RNF215: variants seen among roughly 807,000 people sequenced by gnomAD.
The protein encoded by RNF215 is ring finger protein 215.
A neutral mutation model predicts 44.8 loss-of-function variants in RNF215; 41 were observed. That is an observed-to-expected ratio of 0.92 (90% CI 0.71 to 1.19). The LOEUF (loss-of-function observed/expected upper bound fraction) is 1.19, where lower values mean the gene tolerates loss of function less well. Ranked by LOEUF, RNF215 falls within the 50% of genes most tolerant of loss-of-function variation. The pLI is 0.00. For missense variants in RNF215, 452 were observed against 496.2 expected (o/e 0.91, Z 0.85); for synonymous variants, 218 against 230.1 (o/e 0.95, Z 0.48).
rs950209534 is a variant in RNF215, at chr22:30,379,920, T to C, written c.1009-107A>G. Reference sequence around the variant, plus strand: ...AGCTGGGGAACTGAAACCTCACGGCTTCCCCCACCCCCCTGAAATTCTGCT... The same window carrying C: ...AGCTGGGGAACTGAAACCTCACGGCCTCCCCCACCCCCCTGAAATTCTGCT... On this transcript the variant is annotated intron_variant, in intron 7 of 8. Coordinates refer to ENST00000382363, the MANE Select transcript of RNF215 (RefSeq NM_001017981.2). The C allele has an allele frequency of 2.9e-5, 44 of 1,519,894 alleles. No homozygotes were observed. The East Asian group carries it at 8.1e-4, about 28-fold the overall frequency. 94.2% of individuals were successfully genotyped at this position (1,519,894 alleles called of 1,614,324 possible). A position where few individuals can be genotyped will look rare whatever the true frequency, so the allele number is the denominator to read the frequency against.
At chr22:30,384,607 GC>G (rs1465404277) in intron 4 of RNF215, 112 bp from the exon 5 acceptor site, 2 of 934,074 alleles carry the variant, frequency 2.1e-6, no homozygotes, top group Non-Finnish European at 3.2e-6. Context: ...GCCCCTGCTG[GC>G]CTTACACTTT....
intron 3 of RNF215, 39 bp downstream of exon 3, chr22:30,386,031 T>A: frequency 6.2e-7 from 1 of 1,613,790 alleles, no homozygotes; most frequent in Non-Finnish European, 8.5e-7. Context: ...GGTCCCCCTT[T>A]CCCCAGCTTG....
At position 30,384,504 on chromosome 22, in the gene RNF215, G is replaced by T. The variant is rs181278365; in HGVS notation, c.588-9C>A. The T allele has an allele frequency of 8.6e-5, 138 of 1,611,994 alleles. No homozygotes were observed. In the East Asian group the frequency reaches 2.3e-3, roughly 27 times the overall value. On this transcript the variant is annotated splice_polypyrimidine_tract_variant and intron_variant, in intron 4 of 8. Transcript: ENST00000382363. ...CCGTGGCCTGGGTCCTCCTGGGAGG[G>T]GAAGTCACCGGGGCCAGATGGAAGG...
chr22:30,386,074 C>T lies in RNF215; in HGVS notation c.497G>A (p.Arg166Gln), dbSNP rs377398914. The T allele has an allele frequency of 3.7e-6, 6 of 1,612,830 alleles. No individual in the cohort carries two copies. In the African/African-American group the frequency reaches 4.0e-5, roughly 11 times the overall value. The change falls in exon 3 of 9, where the codon CGA (arginine) becomes CAA (glutamine). Residue 166 changes from arginine (R) to glutamine (Q), a missense_variant. Transcript: ENST00000382363. ...LLLILNHNVV[R>Q]ELDISQLLLR... ...TCACGGCCTGGTCCGATTTACCTCT[C>T]GGACCACGTTGTGGTTCAGGATGAG...
intron 5 of RNF215, among the ~76,000 whole-genome samples, 197 bp downstream of exon 5, chr22:30,384,142 A>G (rs1216435538): frequency 6.6e-6 from 1 of 152,188 alleles, no homozygotes; most frequent in East Asian, 1.9e-4. Context: ...CACTGACTAC[A>G]TGTGACCTGG....
At position 30,380,033 on chromosome 22, in the gene RNF215, G is replaced by A. The variant is rs747052105; in HGVS notation, c.1008+29C>T. 7.4e-6 allele frequency: 12 copies of A among 1,612,138 alleles called. No homozygotes were observed. Among genetic ancestry groups the A allele is most frequent in the East Asian group, 2.2e-5 (1 of 44,830 alleles). On this transcript the variant is annotated intron_variant, in intron 7 of 8. Coordinates refer to ENST00000382363, the MANE Select transcript of RNF215 (RefSeq NM_001017981.2). This position sits in a 1 kb window ranked among gnomAD's most constrained non-coding sequence, Gnocchi z 5.3. Reference sequence around the variant, plus strand: ...AGGTGGGAGGCATCACAGGTGAGCTGATGGCTGGTCTCTACCCGGGGCACT... The same window carrying A: ...AGGTGGGAGGCATCACAGGTGAGCTAATGGCTGGTCTCTACCCGGGGCACT...
In RNF215 at chr22:30,379,131, C is replaced by T. The variant is rs117900841; in HGVS notation, c.*469G>A. On this transcript the variant is annotated 3_prime_UTR_variant, in exon 9 of 9. Coordinates refer to ENST00000382363, the MANE Select transcript of RNF215 (RefSeq NM_001017981.2). The stretch of plus-strand genomic sequence containing the variant: ...CCTTGACAAGAAGTATCCTGAAAGA[C>T]GGTCAGGCCAGGGTACCCCAAGGCC... The T allele has an allele frequency of 0.015, 2,590 of 168,300 alleles. 34 individuals carry two copies. Among genetic ancestry groups the T allele is most frequent in the Non-Finnish European group, 0.024 (1,871 of 76,738 alleles). The allele number at this position is 168,300 out of a possible 1,614,324, so 10.4% of individuals were successfully genotyped here.
chr22:30,387,370 G>C lies in RNF215; in HGVS notation c.-57C>G, dbSNP rs1175501305. 9.8e-7 allele frequency: 1 copy of C among 1,023,716 alleles called. No individual in the cohort carries two copies. The highest frequency in any genetic ancestry group is 1.2e-6 in the Non-Finnish European group (1 of 853,534). The allele number at this position is 1,023,716 out of a possible 1,614,324, so 63.4% of individuals were successfully genotyped here. A position where few individuals can be genotyped will look rare whatever the true frequency, so the allele number is the denominator to read the frequency against. On this transcript the variant is annotated 5_prime_UTR_variant, in exon 1 of 9. In the 5' UTR this introduces an upstream ATG that the reference lacks. Coordinates refer to ENST00000382363, the MANE Select transcript of RNF215 (RefSeq NM_001017981.2). ...GGCCAGGGGTCCCGGGCGCGGGGGGGATCGGAGGGAGCGAGGCCGCTGCCG... is the reference window on the plus strand; with the variant it reads ...GGCCAGGGGTCCCGGGCGCGGGGGGCATCGGAGGGAGCGAGGCCGCTGCCG...
rs190892239 is a variant in RNF215, at chr22:30,385,225, T to A, written c.587+679A>T. Among the ~76,000 whole-genome samples, 94 of 150,764 alleles carry A rather than the reference T, an allele frequency of 6.2e-4. No homozygotes were observed. The Middle Eastern group carries it at 0.014, about 22-fold the overall frequency. On this transcript the variant is annotated intron_variant, in intron 4 of 8. Coordinates refer to ENST00000382363, the MANE Select transcript of RNF215 (RefSeq NM_001017981.2). ...TCACAAGGTCAGCAGATCGAGACCATCCTGGCTAACATGGTGAAACCCCGT... is the reference window on the plus strand; with the variant it reads ...TCACAAGGTCAGCAGATCGAGACCAACCTGGCTAACATGGTGAAACCCCGT...
chr22:30,382,265 G>GT (rs1444188691), intron 5 of RNF215, among the ~76,000 whole-genome samples: 2 of 152,112 alleles, frequency 1.3e-5, no homozygotes, highest in Non-Finnish European at 2.9e-5. Context: ...TAGCCTGTGT[G>GT]TGGTGGTGCA....
At chr22:30,381,351 C>A (rs1405675380) in intron 5 of RNF215, among the ~76,000 whole-genome samples, 1 of 152,204 alleles carries the variant, frequency 6.6e-6, no homozygotes, top group Non-Finnish European at 1.5e-5. Context: ...GGAAACATGA[C>A]TGAGAGAACA....
chr22:30,384,520 AGATGGAAG>A, intron 4 of RNF215, 25 bp from the exon 5 acceptor site: 3 of 1,607,816 alleles, frequency 1.9e-6, no homozygotes, highest in Non-Finnish European at 2.6e-6. Flanking sequence ...CACCGGGGCC[AGATGGAAG>A]GACTCTTGGG....
At position 30,384,380 on chromosome 22, in the gene RNF215, G is replaced by A; in HGVS notation, c.703C>T (p.Gln235Ter). The stretch of plus-strand genomic sequence containing the variant: ...CTGCCTCCAAGGCAGACCAAGTCCT[G>A]CCATCCTCCATAGCCATCCTTGGAG... The part of the protein sequence containing the change: ...GLSKDGYGGW[Q>*]DLVCLGGSRA... The change falls in exon 5 of 9, where the codon CAG becomes TAG. Residue 235 changes from glutamine (Q) to a stop codon, truncating the protein, a stop_gained. Transcript: ENST00000382363. LOFTEE classifies it high-confidence loss of function. 6.2e-7 allele frequency: 1 copy of A among 1,614,018 alleles called. No individual in the cohort carries two copies. The highest frequency in any genetic ancestry group is 8.5e-7 in the Non-Finnish European group (1 of 1,179,962).
Position 30,380,384 on chromosome 22 carries a change from C to T in RNF215, c.762G>A (p.Leu254=), listed in dbSNP as rs748006781. The part of the protein sequence containing the change: ...RAQEQKPLQQ[L]WNAILLVAML... ...TGGCCACCAGCAGGATGGCGTTCCA[C>T]AGCTGCTGCAGGGGTTTCTGGGGAG... The change falls in exon 6 of 9, where the codon CTG becomes CTA. Residue 254 remains leucine, a synonymous_variant. Transcript: ENST00000382363. This position sits in a 1 kb window ranked among gnomAD's most constrained non-coding sequence, Gnocchi z 5.3. 5 of 1,607,184 alleles carry T rather than the reference C, an allele frequency of 3.1e-6. No homozygotes were observed. The highest frequency in any genetic ancestry group is 4.3e-6 in the Non-Finnish European group (5 of 1,176,024).
At position 30,379,421 on chromosome 22, in the gene RNF215, GC is replaced by G. The variant is rs889080203; in HGVS notation, c.*178del. 5.6e-6 allele frequency: 4 copies of G among 709,734 alleles called. No homozygotes were observed. In the African/African-American group the frequency reaches 7.1e-5, roughly 13 times the overall value. The allele number at this position is 709,734 out of a possible 1,614,324, so 44.0% of individuals were successfully genotyped here. On this transcript the variant is annotated 3_prime_UTR_variant, in exon 9 of 9. Transcript: ENST00000382363. Reference sequence around the variant, plus strand: ...CCCAGCCCTAGATCCTCAGTCTGAAGCTGTGGGGCCCTCCTTCCCAGTGTGG... The same window carrying G: ...CCCAGCCCTAGATCCTCAGTCTGAAGTGTGGGGCCCTCCTTCCCAGTGTGG...
chr22:30,384,551 G>GACCC (rs1245684885), intron 4 of RNF215, 56 bp from the exon 5 acceptor site: 6 of 1,499,406 alleles, frequency 4.0e-6, no homozygotes, highest in Admixed American at 1.7e-5. Flanking sequence ...GGGAGGCCCA[G>GACCC]ACCCACCCAC....
chr22:30,381,445 G>A (rs1933528401), intron 5 of RNF215, among the ~76,000 whole-genome samples: 1 of 152,222 alleles, frequency 6.6e-6, no homozygotes, highest in Non-Finnish European at 1.5e-5. Context: ...ACTTGCCCCA[G>A]ATGCGGTGTG....
chr22:30,382,168 G>A (rs966938661), intron 5 of RNF215, among the ~76,000 whole-genome samples: 4 of 152,136 alleles, frequency 2.6e-5, no homozygotes, highest in Admixed American at 6.5e-5. Flanking sequence ...TTGGGAGGCC[G>A]AGGTGGGCGG....
chr22:30,379,890 G>A (rs929658649), intron 7 of RNF215, 77 bp from the exon 8 acceptor site: 185 of 1,504,086 alleles, frequency 1.2e-4, no homozygotes, highest in Non-Finnish European at 1.6e-4. Context: ...CATGCCCCTC[G>A]CCTCAGCTGG....
Sources: gnomAD v4.1 joint callset for allele counts (sites outside exome capture counted in the v4.1 genomes callset) on GRCh38, gnomAD v4.1.1 for gene constraint, Gnocchi (gnomAD v3.1) non-coding constraint, MANE v1.5 for transcripts, NCBI Gene and HGNC (gene_info 2026-07-23, HGNC 2026-07-21) for gene names.